TM2D1: variants seen among roughly 807,000 people sequenced by gnomAD.
TM2D1 encodes the protein TM2 domain containing 1.
TM2D1 carries 15 observed loss-of-function variants against 28.4 expected under a neutral mutation model. The observed-to-expected ratio is 0.53, with a 90% CI of 0.35 to 0.81. TM2D1 has a LOEUF of 0.81. TM2D1 is among the 40% of genes least tolerant of loss of function. TM2D1 has a pLI of 0.01. For missense variants in TM2D1, 236 were observed against 254.9 expected, an observed-to-expected ratio of 0.93 and a Z score of 0.50; for synonymous variants, 93 against 96.2, an observed-to-expected ratio of 0.97 and a Z score of 0.20.
chr1:61,681,820 G>A (rs1644245327), intron 6 of TM2D1, among the ~76,000 whole-genome samples: 1 of 152,190 alleles, frequency 6.6e-6, no homozygotes, highest in East Asian at 1.9e-4. Flanking sequence ...GGGAGGAAGA[G>A]AACAACCATG....
At chr1:61,716,432 A>C (rs1274069499) in intron 2 of TM2D1, among the ~76,000 whole-genome samples, 1 of 137,678 alleles carries the variant, frequency 7.3e-6, no homozygotes, top group Admixed American at 7.2e-5. Flanking sequence ...ATTATATATA[A>C]GTGTATAATT....
intron 5 of TM2D1, among the ~76,000 whole-genome samples, chr1:61,689,402 T>G (rs1411232860): frequency 6.6e-6 from 1 of 152,178 alleles, no homozygotes; most frequent in African/African-American, 2.4e-5. Flanking sequence ...CTCACTCTGT[T>G]GCTCATGCTA....
chr1:61,694,934 A>G (rs1320125630), intron 4 of TM2D1, among the ~76,000 whole-genome samples, 164 bp from the exon 5 acceptor site: 1 of 151,748 alleles, frequency 6.6e-6, no homozygotes, highest in Non-Finnish European at 1.5e-5. Flanking sequence ...GAAAATGAGA[A>G]GAGTTTAAAG....
chr1:61,724,940 T>A lies in TM2D1; in HGVS notation c.164+17A>T. On this transcript the variant is annotated intron_variant, in intron 1 of 6. Coordinates refer to ENST00000606498, the MANE Select transcript of TM2D1 (RefSeq NM_032027.3). Reference sequence around the variant, plus strand: ...TCTACCTCGCCTCCATGGGGGGGTGTTCTCCACAGAGGATATTGTCCCACT... The same window carrying A: ...TCTACCTCGCCTCCATGGGGGGGTGATCTCCACAGAGGATATTGTCCCACT... 1 of 1,574,224 alleles carries A rather than the reference T, an allele frequency of 6.4e-7. No individual in the cohort carries two copies.
intron 4 of TM2D1, among the ~76,000 whole-genome samples, chr1:61,696,535 C>T (rs1315489627): frequency 9.6e-6 from 1 of 103,970 alleles, no homozygotes; most frequent in African/African-American, 3.3e-5. Flanking sequence ...CCGGGGCAAC[C>T]TTGTCTCAAA....
intron 2 of TM2D1, among the ~76,000 whole-genome samples, chr1:61,711,625 CAAA>C (rs963521750): frequency 2.5e-5 from 3 of 118,412 alleles, no homozygotes; most frequent in African/African-American, 5.4e-5. Flanking sequence ...GAGACCGTCT[CAAA>C]AAAAAAAAAA....
At chr1:61,701,591 A>C (rs201369989) in intron 3 of TM2D1, among the ~76,000 whole-genome samples, 1 of 119,008 alleles carries the variant, frequency 8.4e-6, no homozygotes, top group African/African-American at 4.4e-5. Context: ...GTGTGTGTGT[A>C]TTTTATTGCA....
chr1:61,724,925 C>CTCCA (rs746937619), intron 1 of TM2D1, 32 bp downstream of exon 1: 1 of 1,554,986 alleles, frequency 6.4e-7, no homozygotes, highest in Non-Finnish European at 8.7e-7. Context: ...TCTACCTCGC[C>CTCCA]TCCATGGGGG....
intron 5 of TM2D1, among the ~76,000 whole-genome samples, chr1:61,691,932 A>AAAAATATATATATATATATATATATAT: frequency 1.2e-4 from 9 of 76,392 alleles, no homozygotes; most frequent in South Asian, 4.4e-4. Context: ...AAAAAAAAAA[A>AAAAATATATATATATATATATATATAT]ATATATATAT....
intron 3 of TM2D1, among the ~76,000 whole-genome samples, chr1:61,701,310 CAAAAAAAAAAAA>C (rs10587870): frequency 5.0e-4 from 42 of 84,082 alleles, no homozygotes; most frequent in African/African-American, 1.3e-3. Context: ...TAAATGTTAA[CAAAAAAAAAAAA>C]AAAAAAAAAA....
intron 4 of TM2D1, among the ~76,000 whole-genome samples, chr1:61,696,903 C>T (rs1644367064): frequency 6.6e-6 from 1 of 151,868 alleles, no homozygotes; most frequent in Non-Finnish European, 1.5e-5. Flanking sequence ...CGATTACAGG[C>T]CATCACACCT....
At chr1:61,716,104 C>T (rs1294676750) in intron 2 of TM2D1, among the ~76,000 whole-genome samples, 1 of 151,402 alleles carries the variant, frequency 6.6e-6, no homozygotes, top group Non-Finnish European at 1.5e-5. Context: ...CACGCCCAGC[C>T]GAGCCCAGGA....
In TM2D1 at chr1:61,691,944, T is replaced by A. The variant is rs868793347; in HGVS notation, c.513+2753A>T. Among the ~76,000 whole-genome samples, 974 of 120,458 alleles carry A rather than the reference T, an allele frequency of 8.1e-3. 27 individuals carry two copies. Among genetic ancestry groups the A allele is most frequent in the East Asian group, 0.03 (89 of 2,984 alleles). 79.0% of individuals were successfully genotyped at this position (120,458 alleles called of 152,430 possible). A position where few individuals can be genotyped will look rare whatever the true frequency, so the allele number is the denominator to read the frequency against. On this transcript the variant is annotated intron_variant, in intron 5 of 6. Coordinates refer to ENST00000606498, the MANE Select transcript of TM2D1 (RefSeq NM_032027.3). Reference sequence around the variant, plus strand: ...CTTAAAAAAAAAAAATATATATATATATATATATATATATATGTATATATA... The same window carrying A: ...CTTAAAAAAAAAAAATATATATATAAATATATATATATATATGTATATATA...
chr1:61,705,713 A>G (rs565216053), intron 3 of TM2D1, among the ~76,000 whole-genome samples: 1 of 152,306 alleles, frequency 6.6e-6, no homozygotes, highest in South Asian at 2.1e-4. Context: ...CCAAAAGACG[A>G]AAGGAGCAAG....
At chr1:61,716,489 G>A (rs111967853) in intron 2 of TM2D1, among the ~76,000 whole-genome samples, 29 of 131,570 alleles carry the variant, frequency 2.2e-4, no homozygotes, top group African/African-American at 7.3e-4. Context: ...TTTTATATAC[G>A]TATATAATTA....
intron 4 of TM2D1, among the ~76,000 whole-genome samples, chr1:61,695,017 C>A (rs984033285): frequency 2.6e-5 from 4 of 151,674 alleles, no homozygotes; most frequent in Non-Finnish European, 5.9e-5. Flanking sequence ...CTGAAAAAAA[C>A]CTCAATATAA....
At chr1:61,682,419 A>T (rs1354017967) in intron 6 of TM2D1, among the ~76,000 whole-genome samples, 1 of 152,216 alleles carries the variant, frequency 6.6e-6, no homozygotes, top group Non-Finnish European at 1.5e-5. Flanking sequence ...TATACCAGGA[A>T]ATGGTTTTCC....
In TM2D1 at chr1:61,681,695, GAAT is replaced by G. The variant is rs542583382; in HGVS notation, c.*20-348_*20-346del. Among the ~76,000 whole-genome samples the G allele has an allele frequency of 2.2e-3, 337 of 152,192 alleles. 2 individuals carry two copies. Among genetic ancestry groups the G allele is most frequent in the Non-Finnish European group, 3.2e-3 (217 of 68,006 alleles). ...TTGAAAGAGACACAATTTACAGTAT[GAAT>G]AATAAAAGTTACATGAAACTACACA... On this transcript the variant is annotated intron_variant, in intron 6 of 6. Transcript: ENST00000606498.
intron 3 of TM2D1, among the ~76,000 whole-genome samples, chr1:61,703,724 A>G (rs1305748764): frequency 2.1e-4 from 2 of 9,740 alleles, no homozygotes; most frequent in Non-Finnish European, 4.4e-4. Context: ...ATCTTTATAT[A>G]TATATATATA....
Sources: gnomAD v4.1 joint callset for allele counts (sites outside exome capture counted in the v4.1 genomes callset) on GRCh38, gnomAD v4.1.1 for gene constraint, MANE v1.5 for transcripts, NCBI Gene and HGNC (gene_info 2026-07-23, HGNC 2026-07-21) for gene names.